Variants in APBB1 observed in about 807,000 individuals in gnomAD.
APBB1 encodes the protein adaptor protein FE65a2.
APBB1 carries 22 observed loss-of-function variants against 78.4 expected under a neutral mutation model. That is an observed-to-expected ratio of 0.28 (90% CI 0.20 to 0.40). The LOEUF (loss-of-function observed/expected upper bound fraction) is 0.40. Among genes scored for constraint, APBB1 ranks in the 10% least tolerant of loss-of-function variants. The probability of loss-of-function intolerance (pLI) is 1.00; values close to 1 mark genes in which losing one functional copy is unlikely to be tolerated. For synonymous variants in APBB1, 369 were observed against 372.7 expected (o/e 0.99, Z 0.12); for missense variants, 749 against 932.4 (o/e 0.80, Z 2.56).
Position 6,411,459 on chromosome 11 carries a change from C to G in APBB1, c.-14-98G>C, listed in dbSNP as rs1848963795. ...GCTATGCCCTGTGCCTCCTCATCTC[C>G]CTGCACTAAGCAGGCTAGCACCCAT... On this transcript the variant is annotated intron_variant, in intron 1 of 14. Transcript: ENST00000609360. The surrounding 1 kb of genome is among the most constrained non-coding windows in gnomAD (Gnocchi z 5.2). 1 of 1,109,314 alleles carries G rather than the reference C, an allele frequency of 9.0e-7. No individual in the cohort carries two copies. The highest frequency in any genetic ancestry group is 2.4e-5 in the East Asian group (1 of 40,982). The allele number at this position is 1,109,314 out of a possible 1,614,324, so 68.7% of individuals were successfully genotyped here. A position where few individuals can be genotyped will look rare whatever the true frequency, so the allele number is the denominator to read the frequency against.
In APBB1 at chr11:6,411,062, C is replaced by T; in HGVS notation, c.286G>A (p.Ala96Thr). ...DQNRNVTLTLAEEASQEPEMA... is the reference protein window; with the variant it reads ...DQNRNVTLTLTEEASQEPEMA... The stretch of plus-strand genomic sequence containing the variant: ...TCAGGCTCCTGGCTGGCCTCCTCCG[C>T]CAAGGTCAAGGTCACATTGCGATTC... Residue 96 changes from alanine to threonine, a missense_variant, in exon 2 of 15, where the codon GCG (alanine) becomes ACG (threonine). By Grantham distance (58) the Ala-to-Thr change is moderately conservative (BLOSUM62 0). Coordinates refer to ENST00000609360, the MANE Select transcript of APBB1 (RefSeq NM_001164.5). The surrounding 1 kb of genome is among the most constrained non-coding windows in gnomAD (Gnocchi z 5.2). The T allele has an allele frequency of 2.5e-6, 4 of 1,613,972 alleles. No individual in the cohort carries two copies. The highest frequency in any genetic ancestry group is 1.1e-5 in the South Asian group (1 of 91,090).
chr11:6,409,262 G>A (rs558214454), intron 2 of APBB1, among the ~76,000 whole-genome samples: 6 of 151,820 alleles, frequency 4.0e-5, no homozygotes, highest in South Asian at 2.1e-4. Flanking sequence ...TTTTATAGAG[G>A]AGAGGTTTTG....
At chr11:6,415,097 C>T (rs1849086839) in intron 1 of APBB1, among the ~76,000 whole-genome samples, 2 of 152,170 alleles carry the variant, frequency 1.3e-5, no homozygotes, top group Admixed American at 6.5e-5. Flanking sequence ...CCCCACTGCT[C>T]GAGGTCAAAA....
intron 12 of APBB1, among the ~76,000 whole-genome samples, chr11:6,397,841 T>C (rs1437065097): frequency 6.6e-6 from 1 of 152,176 alleles, no homozygotes; most frequent in Non-Finnish European, 1.5e-5. Flanking sequence ...AGCAAGTCAC[T>C]CTCAAGGCAA....
At chr11:6,413,048 C>T (rs1420919541) in intron 1 of APBB1, among the ~76,000 whole-genome samples, 1 of 152,100 alleles carries the variant, frequency 6.6e-6, no homozygotes, top group African/African-American at 2.4e-5. Flanking sequence ...CTCTCCCTGA[C>T]CTTCCAGTTG....
intron 6 of APBB1, 33 bp from the exon 7 acceptor site, chr11:6,402,758 G>C: frequency 6.2e-7 from 1 of 1,613,046 alleles, no homozygotes. Context: ...AGGAGGTAGA[G>C]GATCTGAGTC....
chr11:6,418,114 C>G (rs1368584212), intron 1 of APBB1, among the ~76,000 whole-genome samples: 1 of 152,202 alleles, frequency 6.6e-6, no homozygotes, highest in East Asian at 1.9e-4. Flanking sequence ...CCAAGAGCCT[C>G]ACCAGCATCT....
chr11:6,401,640 G>A lies in APBB1; in HGVS notation c.1437C>T (p.Cys479=), dbSNP rs773677541. The A allele has an allele frequency of 8.7e-6, 14 of 1,614,200 alleles. No individual in the cohort carries two copies. The highest frequency in any genetic ancestry group is 6.7e-5 in the East Asian group (3 of 44,884). The change falls in exon 10 of 15, where the codon TGC becomes TGT. Residue 479 remains cysteine, a synonymous_variant. Transcript: ENST00000609360. The surrounding 1 kb of genome is among the most constrained non-coding windows in gnomAD (Gnocchi z 4.5). ...CAGGTGCCTCACAGCGAAACACGTGGCACTTGAGCATCTGGGTCAGCTTAT... is the reference window on the plus strand; with the variant it reads ...CAGGTGCCTCACAGCGAAACACGTGACACTTGAGCATCTGGGTCAGCTTAT... The part of the protein sequence containing the change: ...ARDKLTQMLK[C]HVFRCEAPAK...
rs117046716 is a variant in APBB1 at position 6,407,543 on chromosome 11, G to A, written c.721+3084C>T. Among the ~76,000 whole-genome samples the A allele has an allele frequency of 6.0e-4, 91 of 152,324 alleles. 1 individual carries two copies. The East Asian group carries it at 0.016, about 27-fold the overall frequency. On this transcript the variant is annotated intron_variant, in intron 2 of 14. Transcript: ENST00000609360. ...CCTGCACAGTGCTTTTTAAAAAATA[G>A]AATTTGTTGTTAACGTTTAGAAATT...
In APBB1 at chr11:6,400,480, T is replaced by C. The variant is rs1030665541; in HGVS notation, c.1672+509A>G. ...TTGCTTGAACCCAGGAGGCGGAGGT[T>C]GCAGTGAGCTAAGATCACGCCACCG... On this transcript the variant is annotated intron_variant, in intron 12 of 14. Transcript: ENST00000609360. 6.0e-5 allele frequency among the ~76,000 whole-genome samples: 9 copies of C among 150,912 alleles called. No individual in the cohort carries two copies. The East Asian group carries it at 1.7e-3, about 29-fold the overall frequency.
rs1337275642 is a variant in APBB1, at chr11:6,411,057, C to G, written c.291G>C (p.Glu97Asp). ...CCATCTCAGGCTCCTGGCTGGCCTCCTCCGCCAAGGTCAAGGTCACATTGC... is the reference window on the plus strand; with the variant it reads ...CCATCTCAGGCTCCTGGCTGGCCTCGTCCGCCAAGGTCAAGGTCACATTGC... The part of the protein sequence containing the change: ...QNRNVTLTLA[E>D]EASQEPEMAP... Residue 97 changes from glutamate (E) to aspartate (D), a missense_variant, in exon 2 of 15, where the codon GAG (glutamate) becomes GAC (aspartate). Coordinates refer to ENST00000609360, the MANE Select transcript of APBB1 (RefSeq NM_001164.5). This position sits in a 1 kb window ranked among gnomAD's most constrained non-coding sequence, Gnocchi z 5.2. 1 of 1,613,902 alleles carries G rather than the reference C, an allele frequency of 6.2e-7. No homozygotes were observed.
chr11:6,403,931 G>T lies in APBB1; in HGVS notation c.722-109C>A. The T allele has an allele frequency of 8.3e-7, 1 of 1,204,496 alleles. No individual in the cohort carries two copies. The highest frequency in any genetic ancestry group is 1.1e-6 in the Non-Finnish European group (1 of 871,002). The allele number at this position is 1,204,496 out of a possible 1,614,324, so 74.6% of individuals were successfully genotyped here. A position where few individuals can be genotyped will look rare whatever the true frequency, so the allele number is the denominator to read the frequency against. ...ATGGTTGAGAAGGGGTGGTGGAAGA[G>T]CTATACCACAACACAGTTCCTGCTT... is the stretch of plus-strand genomic sequence containing the variant. On this transcript the variant is annotated intron_variant, in intron 2 of 14. Transcript: ENST00000609360. The surrounding 1 kb of genome is among the most constrained non-coding windows in gnomAD (Gnocchi z 5.3).
rs1848532641 is a variant in APBB1 at position 6,401,841 on chromosome 11, G to A, written c.1388+136C>T. On this transcript the variant is annotated intron_variant, in intron 9 of 14. Transcript: ENST00000609360. This position sits in a 1 kb window ranked among gnomAD's most constrained non-coding sequence, Gnocchi z 4.5. ...AGGTGCTGCCTTCTTGGGGGGGAGG[G>A]GTAGACAGGCAAGCATGCTGAGGTG... is the stretch of plus-strand genomic sequence containing the variant. 1.4e-6 allele frequency: 2 copies of A among 1,431,116 alleles called. No individual in the cohort carries two copies. Among genetic ancestry groups the A allele is most frequent in the Middle Eastern group, 3.5e-4 (2 of 5,776 alleles). 88.7% of individuals were successfully genotyped at this position (1,431,116 alleles called of 1,614,324 possible). A position where few individuals can be genotyped will look rare whatever the true frequency, so the allele number is the denominator to read the frequency against.
chr11:6,396,846 A>T (rs1380564985), intron 12 of APBB1, among the ~76,000 whole-genome samples: 1 of 152,194 alleles, frequency 6.6e-6, no homozygotes, highest in Non-Finnish European at 1.5e-5. Context: ...GTTCTTAGCC[A>T]TGCCTTTCTC....
In APBB1 at chr11:6,402,083, T is replaced by G. The variant is rs1848547074; in HGVS notation, c.1381A>C (p.Arg461=). The G allele has an allele frequency of 2.5e-6, 4 of 1,613,996 alleles. No homozygotes were observed. In the East Asian group the frequency reaches 8.9e-5, roughly 36 times the overall value. ...TCGAATCCCAAGCCCTATTCCCACC[T>G]TCCACTGTCCCGCCCGACGCCCCAC... ...RVWGVGRDSG[R]ERDFAYVARD... The change falls in exon 8 of 15, where the codon AGA becomes CGA. Residue 461 remains arginine, a splice_region_variant and synonymous_variant. Coordinates refer to ENST00000609360, the MANE Select transcript of APBB1 (RefSeq NM_001164.5).
At chr11:6,406,185 C>T (rs1209640917) in intron 2 of APBB1, among the ~76,000 whole-genome samples, 2 of 152,224 alleles carry the variant, frequency 1.3e-5, no homozygotes, top group Non-Finnish European at 2.9e-5. Flanking sequence ...TTCCAGAACG[C>T]ACACCTTCAC....
chr11:6,419,378 C>G (rs927683256), upstream of APBB1: 20 of 187,810 alleles, frequency 1.1e-4, no homozygotes, highest in Non-Finnish European at 1.8e-4. Context: ...GGTCCCGCAC[C>G]CACGCCGGGA....
chr11:6,409,279 T>G (rs1848899389), intron 2 of APBB1, among the ~76,000 whole-genome samples: 1 of 152,082 alleles, frequency 6.6e-6, no homozygotes, highest in Admixed American at 6.5e-5. Context: ...TTTGCCATGT[T>G]GCTCAGACTG....
chr11:6,403,650 G>A lies in APBB1; in HGVS notation c.894C>T (p.Ser298=). 1 of 1,609,768 alleles carries A rather than the reference G, an allele frequency of 6.2e-7. No homozygotes were observed. The change falls in exon 3 of 15, where the codon TCC becomes TCT. Residue 298 remains serine (S), a synonymous_variant. Transcript: ENST00000609360. This position sits in a 1 kb window ranked among gnomAD's most constrained non-coding sequence, Gnocchi z 5.3. ...PSQGSSPQEE[S]QLTWTGFAHG... is the part of the protein sequence containing the mutation. ...TCAACAGGCCTGTGAGCCTCACCTG[G>A]GACTCCTCTTGGGGGCTGCTCCCCT...
Sources: allele counts gnomAD v4.1 joint callset (sites outside exome capture counted in the v4.1 genomes callset), GRCh38; gene constraint gnomAD v4.1.1; non-coding constraint Gnocchi (gnomAD v3.1); transcripts MANE v1.5; gene names NCBI Gene and HGNC (gene_info 2026-07-23, HGNC 2026-07-21).